Variants in RSRC1 observed in about 807,000 individuals in gnomAD.
RSRC1 encodes serine/Arginine-related protein 53.
RSRC1 carries 39 observed loss-of-function variants against 49.1 expected under a neutral mutation model. The observed-to-expected ratio is 0.79, with a 90% CI of 0.61 to 1.04. RSRC1 has a LOEUF of 1.04. RSRC1 is among the 50% of genes least tolerant of loss of function. The probability of loss-of-function intolerance (pLI) is 0.00; values close to 1 mark genes in which losing one functional copy is unlikely to be tolerated. For missense variants in RSRC1, 388 were observed against 402.4 expected, an observed-to-expected ratio of 0.96 and a Z score of 0.31; for synonymous variants, 143 against 130.8, an observed-to-expected ratio of 1.09 and a Z score of -0.63.
chr3:158,500,551 T>G (rs991705232), intron 7 of RSRC1, among the ~76,000 whole-genome samples: 3 of 152,130 alleles, frequency 2.0e-5, no homozygotes, highest in African/African-American at 7.2e-5. Flanking sequence ...TCATTATTGG[T>G]CTGTTCAGGA....
At chr3:158,283,796 G>C (rs1284703807) in intron 4 of RSRC1, among the ~76,000 whole-genome samples, 1 of 151,690 alleles carries the variant, frequency 6.6e-6, no homozygotes, top group African/African-American at 2.4e-5. Flanking sequence ...GAAAACCTGT[G>C]TTATTTTCTG....
At chr3:158,430,379 T>A (rs1418463994) in intron 6 of RSRC1, among the ~76,000 whole-genome samples, 30 of 152,000 alleles carry the variant, frequency 2.0e-4, no homozygotes, top group Non-Finnish European at 1.2e-4. Context: ...CTGGAGCTGA[T>A]CTGCCAGTTT....
At chr3:158,414,676 C>T in intron 6 of RSRC1, among the ~76,000 whole-genome samples, 1 of 151,938 alleles carries the variant, frequency 6.6e-6, no homozygotes, top group Non-Finnish European at 1.5e-5. Flanking sequence ...GAGCTATGAT[C>T]ATGCCACTGC....
intron 5 of RSRC1, among the ~76,000 whole-genome samples, chr3:158,314,392 C>G (rs147390668): frequency 7.8e-6 from 1 of 128,636 alleles, no homozygotes; most frequent in South Asian, 2.6e-4. Flanking sequence ...TGTGCCCAAC[C>G]GAAAAAAAAT....
At chr3:158,455,979 C>A (rs1189127151) in intron 6 of RSRC1, among the ~76,000 whole-genome samples, 3 of 56,496 alleles carry the variant, frequency 5.3e-5, no homozygotes, top group Non-Finnish European at 7.3e-5. Context: ...GACTCCATCT[C>A]AAAAAAAAAA....
At chr3:158,456,856 T>G (rs1044258133) in intron 6 of RSRC1, among the ~76,000 whole-genome samples, 5 of 152,170 alleles carry the variant, frequency 3.3e-5, no homozygotes, top group African/African-American at 1.2e-4. Context: ...AAGCACTTTT[T>G]TAAAATTTTT....
intron 1 of RSRC1, among the ~76,000 whole-genome samples, chr3:158,113,089 A>T (rs762302940): frequency 6.6e-6 from 1 of 151,418 alleles, no homozygotes; most frequent in Admixed American, 6.6e-5. Flanking sequence ...ATTGTGAATA[A>T]TGCTGCAGTG....
At chr3:158,365,574 T>A (rs1731717630) in intron 6 of RSRC1, among the ~76,000 whole-genome samples, 2 of 152,168 alleles carry the variant, frequency 1.3e-5, no homozygotes, top group Non-Finnish European at 2.9e-5. Context: ...TGGTTCCAAG[T>A]TTTTGCTATT....
At chr3:158,267,307 A>G (rs1207404827) in intron 4 of RSRC1, among the ~76,000 whole-genome samples, 2 of 152,108 alleles carry the variant, frequency 1.3e-5, no homozygotes, top group Non-Finnish European at 2.9e-5. Flanking sequence ...TTTGACTATC[A>G]TGCGTGAGAG....
At chr3:158,122,735 C>G (rs1272059221) in intron 2 of RSRC1, among the ~76,000 whole-genome samples, 1 of 152,032 alleles carries the variant, frequency 6.6e-6, no homozygotes, top group Non-Finnish European at 1.5e-5. Flanking sequence ...CCCTAGCCCC[C>G]CACCCCATGA....
intron 6 of RSRC1, among the ~76,000 whole-genome samples, chr3:158,443,659 C>T (rs1330742158): frequency 1.3e-5 from 2 of 152,170 alleles, no homozygotes; most frequent in African/African-American, 4.8e-5. Flanking sequence ...TATGTGTTCA[C>T]TTGAGTAGCA....
chr3:158,272,248 G>A (rs151334026), intron 4 of RSRC1, among the ~76,000 whole-genome samples: 435 of 152,066 alleles, frequency 2.9e-3, no homozygotes, highest in African/African-American at 0.01. Context: ...CCCAAAGAAC[G>A]GCCTTATTGA....
At chr3:158,476,402 TA>T (rs1208280866) in intron 7 of RSRC1, among the ~76,000 whole-genome samples, 1 of 152,052 alleles carries the variant, frequency 6.6e-6, no homozygotes, top group African/African-American at 2.4e-5. Context: ...TTGTCATAGG[TA>T]GAGAGGTGAA....
intron 5 of RSRC1, among the ~76,000 whole-genome samples, chr3:158,341,749 A>G (rs1045572179): frequency 3.3e-5 from 5 of 152,154 alleles, no homozygotes; most frequent in African/African-American, 1.2e-4. Flanking sequence ...TCACAGATCT[A>G]TTGACAGCTT....
intron 3 of RSRC1, among the ~76,000 whole-genome samples, chr3:158,166,771 C>G (rs563718481): frequency 1.2e-4 from 19 of 152,288 alleles, no homozygotes; most frequent in African/African-American, 4.6e-4. Flanking sequence ...TCAAATCAAT[C>G]AACTTGTTCT....
At chr3:158,494,962 C>A (rs1238453988) in intron 7 of RSRC1, among the ~76,000 whole-genome samples, 4 of 152,148 alleles carry the variant, frequency 2.6e-5, no homozygotes, top group African/African-American at 9.7e-5. Flanking sequence ...AAACCAGTAA[C>A]ATAGTCATTT....
At chr3:158,275,023 A>G (rs537412984) in intron 4 of RSRC1, among the ~76,000 whole-genome samples, 63 of 152,296 alleles carry the variant, frequency 4.1e-4, no homozygotes, top group Admixed American at 8.5e-4. Context: ...TGTTATTGTT[A>G]CATATTTTAA....
At chr3:158,316,438 A>ATTTTTTTTTTTTTTTTTTTTTTT (rs564633575) in intron 5 of RSRC1, among the ~76,000 whole-genome samples, 9 of 72,240 alleles carry the variant, frequency 1.2e-4, no homozygotes, top group Middle Eastern at 0.01. Flanking sequence ...AGAATCTCTC[A>ATTTTTTTTTTTTTTTTTTTTTTT]TTTTTTTTTT....
chr3:158,421,001 G>C (rs2108337537), intron 6 of RSRC1, among the ~76,000 whole-genome samples: 1 of 152,032 alleles, frequency 6.6e-6, no homozygotes, highest in Non-Finnish European at 1.5e-5. Context: ...GCATATAACA[G>C]ACAAGGCCAA....
Sources: gnomAD v4.1 joint callset for allele counts (sites outside exome capture counted in the v4.1 genomes callset) on GRCh38, gnomAD v4.1.1 for gene constraint, MANE v1.5 for transcripts, NCBI Gene and HGNC (gene_info 2026-07-23, HGNC 2026-07-21) for gene names.